CEP162: variants seen among roughly 807,000 people sequenced by gnomAD.
CEP162 encodes the protein centrosomal protein 162, also known as centrosomal protein of 162 kDa.
Under a neutral mutation model 169.2 loss-of-function variants are expected in CEP162, and 141 were observed. The observed-to-expected ratio is 0.83, with a 90% CI of 0.73 to 0.96. The LOEUF (loss-of-function observed/expected upper bound fraction) is 0.96. CEP162 is among the 40% of genes least tolerant of loss of function. The pLI is 0.00. For missense variants in CEP162, 1,600 were observed against 1,587.2 expected, an observed-to-expected ratio of 1.01 and a Z score of -0.14; for synonymous variants, 540 against 526.4, an observed-to-expected ratio of 1.03 and a Z score of -0.35.
intron 4 of CEP162, 66 bp from the exon 5 acceptor site, chr6:84,215,531 G>A: frequency 7.8e-7 from 1 of 1,287,044 alleles, no homozygotes. Context: ...TTTGAATGAT[G>A]CATTTATTGA....
At chr6:84,212,520 GAAA>G (rs1299072120) in intron 6 of CEP162, among the ~76,000 whole-genome samples, 45 of 150,172 alleles carry the variant, frequency 3.0e-4, no homozygotes, top group Non-Finnish European at 2.4e-4. Flanking sequence ...GGGCAACTAA[GAAA>G]AAAATACAAC....
chr6:84,124,946 C>T lies in CEP162; in HGVS notation c.*124G>A, dbSNP rs1476575022. The T allele has an allele frequency of 6.8e-6, 5 of 736,724 alleles. No homozygotes were observed. Among genetic ancestry groups the T allele is most frequent in the Non-Finnish European group, 1.1e-5 (5 of 445,724 alleles). The allele number at this position is 736,724 out of a possible 1,614,324, so 45.6% of individuals were successfully genotyped here. A position where few individuals can be genotyped will look rare whatever the true frequency, so the allele number is the denominator to read the frequency against. ...AAAGGCAATTTATTTTGAAATGTTG[C>T]TTTGGTTGTTTGCTTTCTGGAAACA... On this transcript the variant is annotated 3_prime_UTR_variant, in exon 27 of 27. Transcript: ENST00000403245.
At chr6:84,160,986 T>C (rs2099525518) in intron 20 of CEP162, 70 bp from the exon 21 acceptor site, 2 of 1,034,514 alleles carry the variant, frequency 1.9e-6, no homozygotes, top group African/African-American at 3.1e-5. Context: ...GGGGAAAGCA[T>C]AATATTAGTG....
At chr6:84,179,432 T>A (rs1038927983) in intron 13 of CEP162, among the ~76,000 whole-genome samples, 3 of 152,246 alleles carry the variant, frequency 2.0e-5, no homozygotes, top group Non-Finnish European at 2.9e-5. Context: ...CATTTTTTCA[T>A]GTGTCTGTTG....
At chr6:84,214,824 T>C (rs1158309833) in intron 5 of CEP162, among the ~76,000 whole-genome samples, 1 of 152,176 alleles carries the variant, frequency 6.6e-6, no homozygotes, top group Non-Finnish European at 1.5e-5. Context: ...AGTGAACTAG[T>C]GGGATTTCTA....
At chr6:84,165,838 C>T (rs2099527603) in intron 18 of CEP162, among the ~76,000 whole-genome samples, 2 of 152,200 alleles carry the variant, frequency 1.3e-5, no homozygotes, top group South Asian at 2.1e-4. Context: ...TTTCTAGCTG[C>T]ATCGCAGATT....
intron 23 of CEP162, among the ~76,000 whole-genome samples, chr6:84,151,668 G>C (rs1416700451): frequency 6.6e-6 from 1 of 152,112 alleles, no homozygotes; most frequent in Non-Finnish European, 1.5e-5. Flanking sequence ...AATGCTGGTA[G>C]AAAGCCAGAT....
At chr6:84,190,594 G>T (rs57269636) in intron 11 of CEP162, among the ~76,000 whole-genome samples, 1 of 151,676 alleles carries the variant, frequency 6.6e-6, no homozygotes, top group African/African-American at 2.4e-5. Context: ...CTCCAGACGC[G>T]CTGCCTTAAG....
intron 25 of CEP162, among the ~76,000 whole-genome samples, chr6:84,137,421 G>A (rs866133424): frequency 4.6e-5 from 7 of 151,978 alleles, no homozygotes; most frequent in African/African-American, 1.2e-4. Flanking sequence ...GAATATTTGC[G>A]ACAAATTACA....
chr6:84,223,787 A>AT (rs2099554668), intron 2 of CEP162, among the ~76,000 whole-genome samples: 1 of 151,926 alleles, frequency 6.6e-6, no homozygotes, highest in Admixed American at 6.6e-5. Flanking sequence ...GGCGCCTGTA[A>AT]TCTCAGCAAT....
chr6:84,126,359 T>C lies in CEP162; in HGVS notation c.4005+19A>G. 1 of 1,556,416 alleles carries C rather than the reference T, an allele frequency of 6.4e-7. No homozygotes were observed. The highest frequency in any genetic ancestry group is 8.7e-7 in the Non-Finnish European group (1 of 1,154,718). ...AAAAGTAAAGACCTATATAAATATGTAAATGTGATTTACTTTACCTGTTGA... is the reference window on the plus strand; with the variant it reads ...AAAAGTAAAGACCTATATAAATATGCAAATGTGATTTACTTTACCTGTTGA... On this transcript the variant is annotated intron_variant, in intron 26 of 26. Transcript: ENST00000403245.
At chr6:84,147,674 G>C (rs1261786536) in intron 24 of CEP162, among the ~76,000 whole-genome samples, 1 of 151,964 alleles carries the variant, frequency 6.6e-6, no homozygotes, top group African/African-American at 2.4e-5. Context: ...ACTAGAAAAA[G>C]TCCTTTTAAA....
chr6:84,125,890 G>A (rs1034614035), intron 26 of CEP162, among the ~76,000 whole-genome samples: 4 of 152,124 alleles, frequency 2.6e-5, no homozygotes, highest in Non-Finnish European at 1.5e-5. Flanking sequence ...TTCAAACCAA[G>A]TTAAATTTCA....
At chr6:84,149,431 A>AAT (rs1305876262) in intron 24 of CEP162, 131 bp downstream of exon 24, 5 of 555,230 alleles carry the variant, frequency 9.0e-6, no homozygotes, top group Non-Finnish European at 1.4e-5. Flanking sequence ...TCAAGCCAAT[A>AAT]ATAGTTTCCC....
intron 25 of CEP162, among the ~76,000 whole-genome samples, chr6:84,143,939 T>C (rs927969127): frequency 1.3e-5 from 2 of 152,062 alleles, no homozygotes; most frequent in African/African-American, 4.8e-5. Context: ...TTAGGAAAAC[T>C]GAGTTTTCTC....
chr6:84,221,848 C>G (rs188577032), intron 2 of CEP162, among the ~76,000 whole-genome samples: 2 of 152,038 alleles, frequency 1.3e-5, no homozygotes, highest in Non-Finnish European at 2.9e-5. Context: ...TCAGACAACA[C>G]AATTCTTTCC....
chr6:84,131,885 T>C (rs1040340975), intron 25 of CEP162, among the ~76,000 whole-genome samples: 70 of 152,216 alleles, frequency 4.6e-4, no homozygotes, highest in African/African-American at 1.7e-3. Context: ...CCTGTCATTG[T>C]GATGTTAGCT....
At chr6:84,190,481 C>A (rs551985305) in intron 11 of CEP162, among the ~76,000 whole-genome samples, 7 of 152,240 alleles carry the variant, frequency 4.6e-5, no homozygotes, top group African/African-American at 1.4e-4. Context: ...GCTCACTCTT[C>A]GGGTCCACGC....
At chr6:84,215,944 G>A (rs1210923694) in intron 3 of CEP162, 22 bp from the exon 4 acceptor site, 2 of 1,500,138 alleles carry the variant, frequency 1.3e-6, no homozygotes, top group Non-Finnish European at 8.9e-7. Flanking sequence ...ATTTAATACA[G>A]ATGAAGATTT....
Sources: allele counts gnomAD v4.1 joint callset (sites outside exome capture counted in the v4.1 genomes callset), GRCh38; gene constraint gnomAD v4.1.1; transcripts MANE v1.5; gene names NCBI Gene and HGNC (gene_info 2026-07-23, HGNC 2026-07-21).